The following GARIN2 variants were observed in gnomAD, a reference collection of about 807,000 sequenced individuals.
GARIN2 encodes the protein golgi associated RAB2 interactor family member 2.
chr14:67,198,899 G>T, the GARIN2 span: 4 of 691,154 alleles, frequency 5.8e-6, no homozygotes, highest in Non-Finnish European at 1.1e-5. Flanking sequence ...TACCTCTAAA[G>T]TTCCTAGAAA....
the GARIN2 span, among the ~76,000 whole-genome samples, chr14:67,215,052 TAAG>T: frequency 6.6e-6 from 1 of 152,176 alleles, no homozygotes; most frequent in Non-Finnish European, 1.5e-5. Flanking sequence ...CTTGTCAGCT[TAAG>T]GAGATTCTGG....
At chr14:67,196,578 AGG>A in the GARIN2 span, among the ~76,000 whole-genome samples, 1 of 152,208 alleles carries the variant, frequency 6.6e-6, no homozygotes, top group East Asian at 1.9e-4. Context: ...GGTAATCGTA[AGG>A]AGCACACTTT....
At chr14:67,200,154 A>C in the GARIN2 span, 2 of 1,153,794 alleles carry the variant, frequency 1.7e-6, no homozygotes, top group Admixed American at 5.2e-5. Flanking sequence ...TGGGTCACCC[A>C]GGTCCTATGC....
At chr14:67,220,598 TGAA>T in the GARIN2 span, among the ~76,000 whole-genome samples, 1 of 152,224 alleles carries the variant, frequency 6.6e-6, no homozygotes, top group African/African-American at 2.4e-5. Context: ...CCTTTAGAAA[TGAA>T]GAATTTACTT....
At chr14:67,195,328 C>G in the GARIN2 span, among the ~76,000 whole-genome samples, 2 of 152,098 alleles carry the variant, frequency 1.3e-5, no homozygotes, top group South Asian at 4.1e-4. Flanking sequence ...TCTCTGTGTC[C>G]TGAATCCACA....
At chr14:67,215,104 T>A in the GARIN2 span, among the ~76,000 whole-genome samples, 6 of 152,274 alleles carry the variant, frequency 3.9e-5, no homozygotes, top group Non-Finnish European at 7.4e-5. Context: ...TAATGCACAC[T>A]CAGATTTGAG....
chr14:67,203,738 A>G, the GARIN2 span, among the ~76,000 whole-genome samples: 2 of 152,196 alleles, frequency 1.3e-5, no homozygotes. Context: ...TTTGAGATGG[A>G]GTCTTGCACT....
the GARIN2 span, among the ~76,000 whole-genome samples, chr14:67,225,600 A>G: frequency 1.3e-5 from 2 of 152,132 alleles, no homozygotes; most frequent in African/African-American, 2.4e-5. Context: ...AGATCAGCCA[A>G]TACAATCAAG....
the GARIN2 span, chr14:67,198,112 C>T: frequency 6.9e-6 from 11 of 1,585,110 alleles, no homozygotes; most frequent in Non-Finnish European, 9.4e-6. Flanking sequence ...TCTGTATCCA[C>T]TAATTGTGTT....
the GARIN2 span, among the ~76,000 whole-genome samples, chr14:67,222,575 C>G: frequency 4.6e-5 from 7 of 152,098 alleles, no homozygotes; most frequent in African/African-American, 1.7e-4. Context: ...CACCCTGGAC[C>G]TATTTAATGT....
the GARIN2 span, among the ~76,000 whole-genome samples, chr14:67,193,322 A>C: frequency 1.4e-5 from 2 of 138,790 alleles, no homozygotes; most frequent in Admixed American, 1.5e-4. Context: ...ATAGATATCT[A>C]TATATCTCTA....
the GARIN2 span, among the ~76,000 whole-genome samples, chr14:67,226,032 T>C: frequency 2.0e-5 from 3 of 147,774 alleles, no homozygotes; most frequent in Non-Finnish European, 4.5e-5. Flanking sequence ...AGGGGGGAGG[T>C]TGGTGGACCA....
chr14:67,202,924 G>A, the GARIN2 span: 3 of 262,802 alleles, frequency 1.1e-5, no homozygotes, highest in Non-Finnish European at 1.8e-5. Flanking sequence ...CAGAGGCTGT[G>A]TCTGTTCCCT....
chr14:67,201,442 C>T, the GARIN2 span: 1 of 456,100 alleles, frequency 2.2e-6, no homozygotes, highest in Non-Finnish European at 4.4e-6. Context: ...CAGCTCCCCT[C>T]AGGGCCTCAC....
the GARIN2 span, chr14:67,200,117 C>T: frequency 3.8e-6 from 4 of 1,057,762 alleles, no homozygotes; most frequent in Non-Finnish European, 5.6e-6. Flanking sequence ...GGCATGCCCC[C>T]CCGAAGGCCT....
the GARIN2 span, chr14:67,196,763 G>A: frequency 6.6e-6 from 1 of 152,216 alleles, no homozygotes; most frequent in African/African-American, 2.4e-5. Context: ...ACCACGGTGA[G>A]GATCATCAAC....
At chr14:67,217,893 T>C in the GARIN2 span, among the ~76,000 whole-genome samples, 1 of 152,196 alleles carries the variant, frequency 6.6e-6, no homozygotes, top group Non-Finnish European at 1.5e-5. Flanking sequence ...GTGCATCTAA[T>C]GGAAAAAATG....
the GARIN2 span, chr14:67,205,228 G>A: frequency 2.4e-6 from 2 of 834,846 alleles, no homozygotes; most frequent in Non-Finnish European, 3.6e-6. Flanking sequence ...TTTTAATAGT[G>A]AGATTAAATC....
chr14:67,190,571 A>G, the GARIN2 span, among the ~76,000 whole-genome samples: 1 of 152,184 alleles, frequency 6.6e-6, no homozygotes, highest in Non-Finnish European at 1.5e-5. Context: ...TTTTTCTTCC[A>G]TAAGAAAAAA....
Sources: gnomAD v4.1 joint callset for allele counts (sites outside exome capture counted in the v4.1 genomes callset) on GRCh38, gnomAD v4.1.1 for gene constraint, MANE v1.5 for transcripts, NCBI Gene and HGNC (gene_info 2026-07-23, HGNC 2026-07-21) for gene names.